Variants in USP49 observed in about 807,000 individuals in gnomAD.
The protein encoded by USP49 is ubiquitin specific peptidase 49, also known as ubiquitin carboxyl-terminal hydrolase 49.
A neutral mutation model predicts 58.6 loss-of-function variants in USP49; 24 were observed. The ratio of observed to expected loss-of-function variants is 0.41; its 90% CI spans 0.30 to 0.58. The LOEUF is 0.58. USP49 is among the 20% of genes least tolerant of loss of function. The probability of loss-of-function intolerance (pLI) is 0.30; values close to 1 mark genes in which losing one functional copy is unlikely to be tolerated. For synonymous variants in USP49, 408 were observed against 365.1 expected, an observed-to-expected ratio of 1.12 and a Z score of -1.34; for missense variants, 703 against 866.1, an observed-to-expected ratio of 0.81 and a Z score of 2.36.
Position 41,828,504 on chromosome 6 carries a change from G to A in USP49, c.-28-21493C>T, listed in dbSNP as rs75331446. 6.7e-3 allele frequency among the ~76,000 whole-genome samples: 1,027 copies of A among 152,222 alleles called. 11 individuals are homozygous for A. The highest frequency in any genetic ancestry group is 0.023 in the African/African-American group (967 of 41,542). ...AATAGAAACATCATATTTAATACTG[G>A]CAGAAACAAAATAATAGGCATTACA... On this transcript the variant is annotated intron_variant, in intron 3 of 7. Transcript: ENST00000682992.
chr6:41,823,879 C>T (rs1773492961), intron 3 of USP49, among the ~76,000 whole-genome samples: 2 of 151,684 alleles, frequency 1.3e-5, no homozygotes, highest in African/African-American at 2.4e-5. Context: ...AGTGTGTGTG[C>T]GGGGTGGACA....
chr6:41,879,274 G>A (rs1465481151), intron 2 of USP49, among the ~76,000 whole-genome samples: 1 of 152,158 alleles, frequency 6.6e-6, no homozygotes, highest in Non-Finnish European at 1.5e-5. Context: ...TGTCGCCCAG[G>A]CTGGAGTGCA....
intron 7 of USP49, 193 bp downstream of exon 7, chr6:41,798,531 C>T (rs546300353): frequency 6.8e-7 from 1 of 1,471,452 alleles, no homozygotes; most frequent in Non-Finnish European, 9.0e-7. Context: ...CCACCGCGGC[C>T]TCCCAAAGCG....
intron 3 of USP49, among the ~76,000 whole-genome samples, chr6:41,862,851 G>A (rs1333689872): frequency 6.6e-6 from 1 of 151,856 alleles, no homozygotes; most frequent in African/African-American, 2.4e-5. Flanking sequence ...TCGGCTCACT[G>A]CAACCTCCAC....
chr6:41,852,623 T>G (rs1217286671), intron 3 of USP49, among the ~76,000 whole-genome samples: 1 of 152,192 alleles, frequency 6.6e-6, no homozygotes, highest in Non-Finnish European at 1.5e-5. Context: ...ATTGGAAGAC[T>G]TGGTATTGTT....
chr6:41,826,223 C>T (rs527243793), intron 3 of USP49, among the ~76,000 whole-genome samples: 2 of 152,084 alleles, frequency 1.3e-5, no homozygotes, highest in African/African-American at 2.4e-5. Flanking sequence ...GCTGAGATCG[C>T]GCAACTGCAC....
chr6:41,813,086 CTTTTAA>C (rs1047646948), intron 3 of USP49, among the ~76,000 whole-genome samples: 6 of 152,154 alleles, frequency 3.9e-5, no homozygotes, highest in Admixed American at 1.3e-4. Flanking sequence ...AGGGACTGCA[CTTTTAA>C]TTTTAATTAA....
chr6:41,829,386 C>T (rs1203737409), intron 3 of USP49, among the ~76,000 whole-genome samples: 1 of 151,830 alleles, frequency 6.6e-6, no homozygotes, highest in Non-Finnish European at 1.5e-5. Flanking sequence ...ACGATCTTGG[C>T]TCACTGCAAC....
At chr6:41,879,061 T>C (rs1774557048) in intron 2 of USP49, among the ~76,000 whole-genome samples, 1 of 152,260 alleles carries the variant, frequency 6.6e-6, no homozygotes. Flanking sequence ...GTTACTCAAC[T>C]ATGAATCTGC....
At chr6:41,817,282 G>A (rs148488539) in intron 3 of USP49, among the ~76,000 whole-genome samples, 1,959 of 150,362 alleles carry the variant, frequency 0.013, 26 homozygotes, top group South Asian at 0.062. Flanking sequence ...CGAGTAGCTG[G>A]GACTACAGGC....
At chr6:41,866,993 A>T (rs1161878393) in intron 3 of USP49, among the ~76,000 whole-genome samples, 3 of 152,230 alleles carry the variant, frequency 2.0e-5, no homozygotes, top group African/African-American at 4.8e-5. Context: ...GAAAAAGAGA[A>T]AAACATCACT....
chr6:41,883,717 G>A (rs1040175932), intron 2 of USP49, among the ~76,000 whole-genome samples: 4 of 152,106 alleles, frequency 2.6e-5, no homozygotes, highest in African/African-American at 9.7e-5. Context: ...CAAGTGTTGG[G>A]AGGGGCGGTT....
intron 3 of USP49, among the ~76,000 whole-genome samples, chr6:41,860,922 G>A (rs1774210306): frequency 6.6e-6 from 1 of 151,736 alleles, no homozygotes; most frequent in East Asian, 1.9e-4. Context: ...TCTAGCTCAG[G>A]AGTTCGAGAC....
At position 41,806,547 on chromosome 6, in the gene USP49, C is replaced by T. The variant is rs753891509; in HGVS notation, c.437G>A (p.Arg146Gln). Reference protein sequence around the residue: ...QPQMLTALWYRRQRLLARTLR... With the variant: ...QPQMLTALWYQRQRLLARTLR... Reference sequence around the variant, plus strand: ...CGTCCTGGCCAGCAGGCGCTGACGCCGGTACCACAGAGCCGTGAGCATCTG... The same window carrying T: ...CGTCCTGGCCAGCAGGCGCTGACGCTGGTACCACAGAGCCGTGAGCATCTG... Residue 146 changes from arginine (R) to glutamine (Q), a missense_variant, in exon 4 of 8, where the codon CGG (arginine) becomes CAG (glutamine). Arg to Gln is a conservative substitution (Grantham distance 43). This residue lies in a region of USP49 where 376 missense variants were observed against 373.5 expected (regional missense o/e 1.01). Transcript: ENST00000682992. The surrounding 1 kb of genome is among the most constrained non-coding windows in gnomAD (Gnocchi z 5.9). The T allele has an allele frequency of 3.7e-6, 6 of 1,601,364 alleles. No individual in the cohort carries two copies. The highest frequency in any genetic ancestry group is 3.3e-5 in the Admixed American group (2 of 59,862).
chr6:41,851,973 A>AAAAG (rs1262831108), intron 3 of USP49, among the ~76,000 whole-genome samples: 55 of 148,746 alleles, frequency 3.7e-4, no homozygotes, highest in African/African-American at 9.9e-4. Context: ...AAAAAAAAAA[A>AAAAG]AAAGAAAGAA....
chr6:41,823,726 G>A (rs1036453584), intron 3 of USP49, among the ~76,000 whole-genome samples: 5 of 152,124 alleles, frequency 3.3e-5, no homozygotes, highest in African/African-American at 1.2e-4. Context: ...CAACTCTCAA[G>A]AGATCTTCCT....
In USP49 at chr6:41,806,485, C is replaced by T; in HGVS notation, c.499G>A (p.Ala167Thr). The T allele has an allele frequency of 6.3e-7, 1 of 1,597,860 alleles. No individual in the cohort carries two copies. The change falls in exon 4 of 8, where the codon GCG (alanine) becomes ACG (threonine). Residue 167 changes from alanine to threonine, a missense_variant. Transcript: ENST00000682992. This position sits in a 1 kb window ranked among gnomAD's most constrained non-coding sequence, Gnocchi z 5.9. Reference sequence around the variant, plus strand: ...TCCTGCCGCCGCTGCTCCAGCTTCGCCTGGCCCCGGGAGCTCTTCTCGAAC... The same window carrying T: ...TCCTGCCGCCGCTGCTCCAGCTTCGTCTGGCCCCGGGAGCTCTTCTCGAAC... ...LWFEKSSRGQ[A>T]KLEQRRQEEA...
chr6:41,877,453 G>T (rs546939902), intron 2 of USP49, among the ~76,000 whole-genome samples: 1 of 152,260 alleles, frequency 6.6e-6, no homozygotes, highest in East Asian at 1.9e-4. Context: ...TAGACTGGGA[G>T]AAAGGGTTAT....
chr6:41,887,538 A>G (rs1422098436), intron 2 of USP49, among the ~76,000 whole-genome samples: 4 of 152,260 alleles, frequency 2.6e-5, no homozygotes, highest in African/African-American at 9.6e-5. Flanking sequence ...TACGGAGGTC[A>G]TAACATTCCT....
Sources: allele counts gnomAD v4.1 joint callset (sites outside exome capture counted in the v4.1 genomes callset), GRCh38; gene constraint gnomAD v4.1.1; regional missense constraint gnomAD v4.1.1; non-coding constraint Gnocchi (gnomAD v3.1); transcripts MANE v1.5; gene names NCBI Gene and HGNC (gene_info 2026-07-23, HGNC 2026-07-21).